Variants in PRKCE observed in about 807,000 individuals in gnomAD.
PRKCE encodes protein kinase C epsilon, also known as protein kinase C epsilon type.
A neutral mutation model predicts 85.4 loss-of-function variants in PRKCE; 16 were observed. The ratio of observed to expected loss-of-function variants is 0.19; its 90% confidence interval spans 0.13 to 0.28. The LOEUF (loss-of-function observed/expected upper bound fraction) is 0.28. Ranked by LOEUF, PRKCE falls within the 10% of genes least tolerant of loss-of-function variation. PRKCE has a pLI of 1.00. For synonymous variants in PRKCE, 388 were observed against 371.5 expected (o/e 1.04, Z -0.51); for missense variants, 573 against 975.2 (o/e 0.59, Z 5.49).
chr2:46,012,092 G>A (rs1382837589), intron 10 of PRKCE, among the ~76,000 whole-genome samples: 2 of 152,144 alleles, frequency 1.3e-5, no homozygotes, highest in Non-Finnish European at 2.9e-5. Flanking sequence ...CTGAATAATA[G>A]AGACTCAGTG....
chr2:45,761,326 CAAA>C (rs370710295), intron 1 of PRKCE, among the ~76,000 whole-genome samples: 16 of 82,258 alleles, frequency 1.9e-4, no homozygotes, highest in African/African-American at 8.4e-4. Context: ...GACTCCATCT[CAAA>C]AAAAAAAAAA....
intron 11 of PRKCE, among the ~76,000 whole-genome samples, chr2:46,135,071 G>A (rs1046115021): frequency 1.3e-5 from 2 of 152,168 alleles, no homozygotes; most frequent in South Asian, 2.1e-4. Context: ...GATCAACCAG[G>A]TACCAGGCTA....
intron 1 of PRKCE, among the ~76,000 whole-genome samples, chr2:45,817,866 A>T (rs1689208458): frequency 6.6e-6 from 1 of 152,172 alleles, no homozygotes; most frequent in Admixed American, 6.5e-5. Context: ...TCTGAAGGTG[A>T]GAGGAGCCAC....
intron 11 of PRKCE, among the ~76,000 whole-genome samples, chr2:46,101,552 G>T (rs1009446962): frequency 6.6e-6 from 1 of 152,168 alleles, no homozygotes; most frequent in Non-Finnish European, 1.5e-5. Context: ...ACAAATAGAG[G>T]CCAGGGACCC....
At chr2:45,717,151 G>A (rs534959575) in intron 1 of PRKCE, among the ~76,000 whole-genome samples, 1 of 152,288 alleles carries the variant, frequency 6.6e-6, no homozygotes, top group Admixed American at 6.5e-5. Context: ...GGATCCCATT[G>A]TTTGCCTCCC....
intron 1 of PRKCE, among the ~76,000 whole-genome samples, chr2:45,778,303 C>T (rs893392497): frequency 6.6e-6 from 1 of 152,114 alleles, no homozygotes; most frequent in Non-Finnish European, 1.5e-5. Flanking sequence ...ATCCAGGAGG[C>T]TTTTATCTTC....
At chr2:46,082,803 G>A (rs191605933) in intron 10 of PRKCE, among the ~76,000 whole-genome samples, 60 of 152,306 alleles carry the variant, frequency 3.9e-4, no homozygotes, top group Admixed American at 1.6e-3. Context: ...GCTGCAGAGA[G>A]GTCAAAGAAA....
intron 1 of PRKCE, among the ~76,000 whole-genome samples, chr2:45,683,136 C>T (rs761782207): frequency 5.9e-5 from 9 of 152,146 alleles, no homozygotes; most frequent in Non-Finnish European, 1.3e-4. Context: ...GCTAGCCAAG[C>T]GTTGGTTGAA....
At position 46,004,354 on chromosome 2, in the gene PRKCE, G is replaced by C; in HGVS notation, c.967-188G>C. On this transcript the variant is annotated intron_variant, in intron 7 of 14. Transcript: ENST00000306156. This position sits in a 1 kb window ranked among gnomAD's most constrained non-coding sequence, Gnocchi z 4.1. ...CCTTTTGTGGTTCTTGCTCTGGTCA[G>C]ACGTCACAGAGGGATCGAACTTCAT... 1 of 546,848 alleles carries C rather than the reference G, an allele frequency of 1.8e-6. No individual in the cohort carries two copies. Among genetic ancestry groups the C allele is most frequent in the East Asian group, 3.3e-5 (1 of 30,626 alleles). The allele number at this position is 546,848 out of a possible 1,614,324, so 33.9% of individuals were successfully genotyped here.
intron 11 of PRKCE, among the ~76,000 whole-genome samples, chr2:46,131,562 G>A (rs1310275260): frequency 6.6e-6 from 1 of 152,190 alleles, no homozygotes; most frequent in Non-Finnish European, 1.5e-5. Context: ...AGGAAAGAGA[G>A]GGCCCAGGAA....
At chr2:46,058,389 A>G (rs1040899128) in intron 10 of PRKCE, among the ~76,000 whole-genome samples, 1 of 152,250 alleles carries the variant, frequency 6.6e-6, no homozygotes, top group African/African-American at 2.4e-5. Flanking sequence ...ATGAAACGTC[A>G]TGTTCCCAAA....
At chr2:45,863,256 C>T (rs1173221429) in intron 2 of PRKCE, among the ~76,000 whole-genome samples, 2 of 152,118 alleles carry the variant, frequency 1.3e-5, no homozygotes, top group African/African-American at 2.4e-5. Flanking sequence ...AATGGAAGGT[C>T]TCAGGGCCAC....
intron 14 of PRKCE, among the ~76,000 whole-genome samples, chr2:46,173,579 G>T (rs1286787963): frequency 2.6e-5 from 4 of 152,250 alleles, no homozygotes; most frequent in Non-Finnish European, 5.9e-5. Context: ...CCAGGAAGGG[G>T]CTCTGTCCTG....
Position 46,151,100 on chromosome 2 carries a change from G to A in PRKCE, c.1791G>A (p.Met597Ile), listed in dbSNP as rs751112970. The change falls in exon 13 of 15, where the codon ATG becomes ATA. Residue 597 changes from methionine (M) to isoleucine (I), a missense_variant. By Grantham distance (10) the Met-to-Ile change is conservative (BLOSUM62 1). This residue lies in a region of PRKCE where 72 missense variants were observed against 166.0 expected (regional missense o/e 0.43). Coordinates refer to ENST00000306156, the MANE Select transcript of PRKCE (RefSeq NM_005400.3). The stretch of plus-strand genomic sequence containing the variant: ...ACTGGTGGGCCCTGGGGGTGCTGAT[G>A]TACGAGATGATGGCTGGACAGCCTC... ...SVDWWALGVL[M>I]YEMMAGQPPF... is the part of the protein sequence containing the mutation. 1.3e-6 allele frequency: 2 copies of A among 1,599,554 alleles called. No homozygotes were observed. The highest frequency in any genetic ancestry group is 1.1e-5 in the South Asian group (1 of 91,046).
chr2:46,180,337 G>C (rs992043581), intron 14 of PRKCE, among the ~76,000 whole-genome samples: 1 of 152,220 alleles, frequency 6.6e-6, no homozygotes, highest in African/African-American at 2.4e-5. Context: ...TGGTTGGGCA[G>C]TGCCAGGGAG....
At chr2:46,125,689 C>A (rs1673780882) in intron 11 of PRKCE, among the ~76,000 whole-genome samples, 1 of 152,166 alleles carries the variant, frequency 6.6e-6, no homozygotes, top group African/African-American at 2.4e-5. Context: ...CCAATAAATA[C>A]AGGCATAAAT....
At chr2:45,688,396 T>C (rs146698791) in intron 1 of PRKCE, among the ~76,000 whole-genome samples, 29 of 152,304 alleles carry the variant, frequency 1.9e-4, no homozygotes, top group African/African-American at 7.0e-4. Context: ...TGTAAGCACT[T>C]TTCTTCTTTA....
intron 2 of PRKCE, among the ~76,000 whole-genome samples, chr2:45,968,590 G>T (rs1296828852): frequency 6.6e-6 from 1 of 152,194 alleles, no homozygotes; most frequent in Non-Finnish European, 1.5e-5. Context: ...TCATTCATCT[G>T]TGCAACCAAA....
intron 10 of PRKCE, among the ~76,000 whole-genome samples, chr2:46,039,105 T>G (rs915508303): frequency 2.0e-5 from 3 of 152,210 alleles, no homozygotes; most frequent in African/African-American, 7.2e-5. Flanking sequence ...TTTTGGTCAA[T>G]CTACTTCTCT....
Sources: gnomAD v4.1 joint callset for allele counts (sites outside exome capture counted in the v4.1 genomes callset) on GRCh38, gnomAD v4.1.1 for gene constraint, gnomAD v4.1.1 regional missense constraint, Gnocchi (gnomAD v3.1) non-coding constraint, MANE v1.5 for transcripts, NCBI Gene and HGNC (gene_info 2026-07-23, HGNC 2026-07-21) for gene names.